MINDY2: variants seen among roughly 807,000 people sequenced by gnomAD.
MINDY2 encodes ubiquitin carboxyl-terminal hydrolase MINDY-2.
MINDY2 carries 52 observed loss-of-function variants against 68.2 expected under a neutral mutation model. That is an observed-to-expected ratio of 0.76 (90% CI 0.61 to 0.96). MINDY2 has a LOEUF of 0.96. Among genes scored for constraint, MINDY2 ranks in the 40% least tolerant of loss-of-function variants. The probability of loss-of-function intolerance (pLI) is 0.00; values close to 1 mark genes in which losing one functional copy is unlikely to be tolerated. For missense variants in MINDY2, 881 were observed against 773.4 expected, an observed-to-expected ratio of 1.14 and a Z score of -1.65; for synonymous variants, 372 against 303.0, an observed-to-expected ratio of 1.23 and a Z score of -2.36.
chr15:58,851,917 A>G lies in MINDY2; in HGVS notation c.1689A>G (p.Glu563=). Residue 563 remains glutamate (E), a synonymous_variant, in exon 8 of 9, where the codon GAA becomes GAG. Coordinates refer to ENST00000559228, the MANE Select transcript of MINDY2 (RefSeq NM_001040450.3). ...EDRRASQYYQ[E]QEQAAAAAAA... The stretch of plus-strand genomic sequence containing the variant: ...GACGGGCTTCTCAATACTATCAGGA[A>G]CAGGAACAAGCAGCAGCTGCTGCTG... 1 of 1,604,036 alleles carries G rather than the reference A, an allele frequency of 6.2e-7. No homozygotes were observed. Among genetic ancestry groups the G allele is most frequent in the Non-Finnish European group, 8.5e-7 (1 of 1,177,680 alleles).
At chr15:58,810,494 T>C in intron 4 of MINDY2, 106 bp downstream of exon 4, 1 of 1,167,874 alleles carries the variant, frequency 8.6e-7, no homozygotes, top group Non-Finnish European at 1.2e-6. Context: ...TTTTTGTACT[T>C]TTGCCTGGAA....
chr15:58,795,010 C>A (rs1902186498), intron 2 of MINDY2, among the ~76,000 whole-genome samples: 1 of 151,672 alleles, frequency 6.6e-6, no homozygotes, highest in Non-Finnish European at 1.5e-5. Context: ...CCCGTCTCTA[C>A]TAAAAATACA....
intron 3 of MINDY2, among the ~76,000 whole-genome samples, chr15:58,802,998 G>T (rs193020451): frequency 1.3e-5 from 2 of 152,316 alleles, no homozygotes; most frequent in East Asian, 3.9e-4. Context: ...GTGGAAGGAA[G>T]TATTAGCCAG....
chr15:58,844,374 C>T (rs914555381), intron 6 of MINDY2, among the ~76,000 whole-genome samples: 36 of 151,086 alleles, frequency 2.4e-4, no homozygotes, highest in Admixed American at 1.6e-3. Flanking sequence ...GGTGAAACCC[C>T]GTCTCTACTA....
chr15:58,805,273 A>G (rs1324984396), intron 3 of MINDY2, among the ~76,000 whole-genome samples: 3 of 152,196 alleles, frequency 2.0e-5, no homozygotes, highest in African/African-American at 7.2e-5. Flanking sequence ...CTAATGTGTA[A>G]TGTTCCACAA....
chr15:58,840,628 CTTATTATTA>C (rs71119408), intron 6 of MINDY2, among the ~76,000 whole-genome samples: 16,084 of 139,166 alleles, frequency 0.12, 1,021 homozygotes, highest in East Asian at 0.27. Flanking sequence ...TATTTATTTA[CTTATTATTA>C]TTATTATTAT....
chr15:58,852,957 TTTTTTTTTTTTTTAAG>T (rs2032904701), intron 8 of MINDY2, among the ~76,000 whole-genome samples: 1 of 48,054 alleles, frequency 2.1e-5, no homozygotes, highest in Non-Finnish European at 5.1e-5. Flanking sequence ...TTTTTTTTTT[TTTTTTTTTTTTTTAAG>T]ACAGAGTCTC....
At chr15:58,849,481 G>A (rs1468152782) in intron 7 of MINDY2, among the ~76,000 whole-genome samples, 7 of 152,114 alleles carry the variant, frequency 4.6e-5, no homozygotes, top group Non-Finnish European at 8.8e-5. Flanking sequence ...CTCCAGCCTG[G>A]ACGACAGAGC....
intron 4 of MINDY2, among the ~76,000 whole-genome samples, chr15:58,816,910 A>G (rs1595745015): frequency 6.6e-6 from 1 of 152,210 alleles, no homozygotes; most frequent in East Asian, 1.9e-4. Flanking sequence ...CTATGATAGC[A>G]CCTGTGAATA....
chr15:58,789,532 C>A (rs1273077258), intron 2 of MINDY2, among the ~76,000 whole-genome samples: 1 of 151,862 alleles, frequency 6.6e-6, no homozygotes, highest in African/African-American at 2.4e-5. Flanking sequence ...TCATGACTTG[C>A]TGCAATCTCG....
At position 58,857,396 on chromosome 15, in the gene MINDY2, T is replaced by G. The variant is rs1201615471; in HGVS notation, c.*2786T>G. 1 of 152,264 alleles carries G rather than the reference T, an allele frequency of 6.6e-6. No individual in the cohort carries two copies. Among genetic ancestry groups the G allele is most frequent in the Non-Finnish European group, 1.5e-5 (1 of 68,146 alleles). The allele number at this position is 152,264 out of a possible 1,614,324, so 9.4% of individuals were successfully genotyped here. Reference sequence around the variant, plus strand: ...TAAAAATACAATAATTAGCCAGGCATGGTGGCGGGCACCTGTCATCCCAGC... The same window carrying G: ...TAAAAATACAATAATTAGCCAGGCAGGGTGGCGGGCACCTGTCATCCCAGC... On this transcript the variant is annotated 3_prime_UTR_variant, in exon 9 of 9. Coordinates refer to ENST00000559228, the MANE Select transcript of MINDY2 (RefSeq NM_001040450.3).
chr15:58,832,020 T>C (rs2031753844), intron 6 of MINDY2, 104 bp downstream of exon 6: 1 of 1,005,682 alleles, frequency 9.9e-7, no homozygotes. Context: ...AGCGTAATAT[T>C]TCTTAACCAT....
chr15:58,835,730 A>AAAAGAG (rs1193893630), intron 6 of MINDY2, among the ~76,000 whole-genome samples: 3 of 152,190 alleles, frequency 2.0e-5, no homozygotes, highest in African/African-American at 7.2e-5. Context: ...AGTTGGCCAA[A>AAAAGAG]AAAGAGTTAA....
chr15:58,781,961 T>A (rs1426484542), intron 1 of MINDY2, among the ~76,000 whole-genome samples: 1 of 152,074 alleles, frequency 6.6e-6, no homozygotes, highest in Non-Finnish European at 1.5e-5. Context: ...TTAGATTCAC[T>A]GAAAAGTCTG....
At chr15:58,775,556 C>A (rs1223986411) in intron 1 of MINDY2, among the ~76,000 whole-genome samples, 1 of 152,114 alleles carries the variant, frequency 6.6e-6, no homozygotes, top group Non-Finnish European at 1.5e-5. Context: ...ATGCAGATAG[C>A]GCTTTGGTTA....
chr15:58,835,375 G>A (rs1335854967), intron 6 of MINDY2, among the ~76,000 whole-genome samples: 2 of 152,152 alleles, frequency 1.3e-5, no homozygotes, highest in Non-Finnish European at 2.9e-5. Context: ...ACCTGAGGCT[G>A]GGTGCGGTGT....
chr15:58,849,547 T>C (rs942620487), intron 7 of MINDY2, among the ~76,000 whole-genome samples: 1 of 152,052 alleles, frequency 6.6e-6, no homozygotes, highest in Admixed American at 6.6e-5. Context: ...GGCAGAGTGA[T>C]AGATTGTCAC....
intron 5 of MINDY2, among the ~76,000 whole-genome samples, chr15:58,823,028 ACTAATT>A (rs1227185571): frequency 6.6e-6 from 1 of 152,188 alleles, no homozygotes; most frequent in African/African-American, 2.4e-5. Flanking sequence ...TCAGAATCCA[ACTAATT>A]ACATTACTTA....
At chr15:58,812,726 A>G (rs11634452) in intron 4 of MINDY2, among the ~76,000 whole-genome samples, 9,271 of 152,208 alleles carry the variant, frequency 0.061, 336 homozygotes, top group East Asian at 0.16. Flanking sequence ...GGCATGATGG[A>G]ACATGCCTGT....
Sources: allele counts gnomAD v4.1 joint callset (sites outside exome capture counted in the v4.1 genomes callset), GRCh38; gene constraint gnomAD v4.1.1; transcripts MANE v1.5; gene names NCBI Gene and HGNC (gene_info 2026-07-23, HGNC 2026-07-21).